Variants in PKIA observed in about 807,000 individuals in gnomAD.
The protein encoded by PKIA is PKI-alpha.
In PKIA, 4 loss-of-function variants were observed where a neutral mutation model predicts 7.6. The ratio of observed to expected loss-of-function variants is 0.52; its 90% CI spans 0.26 to 1.20. PKIA has a LOEUF of 1.20. Ranked by LOEUF, PKIA falls within the 50% of genes most tolerant of loss-of-function variation. The probability of loss-of-function intolerance (pLI) is 0.13; values close to 1 mark genes in which losing one functional copy is unlikely to be tolerated. For synonymous variants in PKIA, 21 were observed against 30.7 expected (o/e 0.68, Z 1.04); for missense variants, 73 against 86.2 (o/e 0.85, Z 0.61).
At chr8:78,571,079 A>G (rs1028488473) in intron 1 of PKIA, among the ~76,000 whole-genome samples, 3 of 152,094 alleles carry the variant, frequency 2.0e-5, no homozygotes, top group African/African-American at 7.2e-5. Context: ...TCCTTGGTAT[A>G]CATTAGGTGT....
rs1404252553 is a variant in PKIA at position 78,602,325 on chromosome 8, A to T, written c.*504A>T. 6.4e-6 allele frequency: 1 copy of T among 156,624 alleles called. No homozygotes were observed. Among genetic ancestry groups the T allele is most frequent in the East Asian group, 1.9e-4 (1 of 5,252 alleles). The allele number at this position is 156,624 out of a possible 1,614,324, so 9.7% of individuals were successfully genotyped here. A position where few individuals can be genotyped will look rare whatever the true frequency, so the allele number is the denominator to read the frequency against. On this transcript the variant is annotated 3_prime_UTR_variant, in exon 4 of 4. Transcript: ENST00000396418. The stretch of plus-strand genomic sequence containing the variant: ...TTATTTACACTGTTTTGTATTGTAC[A>T]ATATATATGCTCAGCACTGCCCCCT...
intron 1 of PKIA, among the ~76,000 whole-genome samples, chr8:78,564,466 A>G (rs962727288): frequency 6.6e-6 from 1 of 152,068 alleles, no homozygotes; most frequent in African/African-American, 2.4e-5. Flanking sequence ...GAAATGGAAC[A>G]TGAGGGTCCA....
intron 3 of PKIA, among the ~76,000 whole-genome samples, chr8:78,600,123 T>C (rs2130290412): frequency 6.6e-6 from 1 of 151,994 alleles, no homozygotes; most frequent in Admixed American, 6.6e-5. Context: ...TGCAACATTT[T>C]CTGTTTTTCT....
chr8:78,555,739 G>A (rs1243873096), intron 1 of PKIA, among the ~76,000 whole-genome samples: 1 of 151,990 alleles, frequency 6.6e-6, no homozygotes, highest in Non-Finnish European at 1.5e-5. Flanking sequence ...GTGTCAATGT[G>A]TGTGTGTGAG....
At chr8:78,590,308 A>C (rs1170017503) in intron 2 of PKIA, among the ~76,000 whole-genome samples, 2 of 152,014 alleles carry the variant, frequency 1.3e-5, no homozygotes, top group African/African-American at 4.8e-5. Flanking sequence ...AAAAAGAAAA[A>C]AATTGCGTGG....
At chr8:78,547,293 C>T (rs1022386305) in intron 1 of PKIA, among the ~76,000 whole-genome samples, 4 of 151,820 alleles carry the variant, frequency 2.6e-5, no homozygotes, top group Admixed American at 6.6e-5. Context: ...TTATTAGAGA[C>T]GGGGTTTCAC....
At chr8:78,600,166 T>A (rs114136865) in intron 3 of PKIA, among the ~76,000 whole-genome samples, 5,335 of 152,022 alleles carry the variant, frequency 0.035, 305 homozygotes, top group African/African-American at 0.12. Flanking sequence ...AGGAACAGTA[T>A]ACAAAGCAAT....
chr8:78,572,541 G>GCACA (rs1554582465), intron 1 of PKIA, among the ~76,000 whole-genome samples: 5,316 of 98,360 alleles, frequency 0.054, 120 homozygotes, highest in Middle Eastern at 0.097. Context: ...AAAGCTGCAC[G>GCACA]CACACACACA....
chr8:78,595,150 C>A (rs2130268091), intron 2 of PKIA, among the ~76,000 whole-genome samples: 1 of 152,166 alleles, frequency 6.6e-6, no homozygotes, highest in East Asian at 1.9e-4. Context: ...TAGTGTTTTC[C>A]CAGCAGTGAA....
intron 1 of PKIA, among the ~76,000 whole-genome samples, chr8:78,529,619 C>T (rs1806344794): frequency 2.0e-5 from 3 of 151,864 alleles, no homozygotes; most frequent in African/African-American, 7.2e-5. Flanking sequence ...TGGGAATATC[C>T]TTTAAGACAT....
chr8:78,542,716 T>C (rs1217989693), intron 1 of PKIA, among the ~76,000 whole-genome samples: 1 of 152,138 alleles, frequency 6.6e-6, no homozygotes, highest in African/African-American at 2.4e-5. Context: ...AATGACAGCT[T>C]GACAAAAAGA....
chr8:78,543,583 T>C (rs1806748991), intron 1 of PKIA, among the ~76,000 whole-genome samples: 1 of 152,154 alleles, frequency 6.6e-6, no homozygotes, highest in South Asian at 2.1e-4. Context: ...TGAAGTGAAA[T>C]AATGCAACAT....
chr8:78,548,065 TAA>T (rs1057051801), intron 1 of PKIA, among the ~76,000 whole-genome samples: 4 of 152,010 alleles, frequency 2.6e-5, no homozygotes, highest in African/African-American at 4.8e-5. Context: ...TAGTATGAAA[TAA>T]GTTTTAAAAA....
At chr8:78,547,946 T>C (rs1287403998) in intron 1 of PKIA, among the ~76,000 whole-genome samples, 1 of 152,142 alleles carries the variant, frequency 6.6e-6, no homozygotes, top group Admixed American at 6.5e-5. Flanking sequence ...GTTCACAGTT[T>C]GAACCAGGAG....
At chr8:78,601,678 A>T in intron 3 of PKIA, 64 bp from the exon 4 acceptor site, 1 of 1,176,272 alleles carries the variant, frequency 8.5e-7, no homozygotes, top group Non-Finnish European at 1.3e-6. Flanking sequence ...ACATATTGAC[A>T]GTTGGTAAAT....
At chr8:78,524,049 T>TATAAACGTTTATATAA (rs1809482720) in intron 1 of PKIA, among the ~76,000 whole-genome samples, 1 of 131,902 alleles carries the variant, frequency 7.6e-6, no homozygotes, top group African/African-American at 2.9e-5. Flanking sequence ...TATATATAAA[T>TATAAACGTTTATATAA]ATATATAAAC....
rs1808442051 is a variant in PKIA, at chr8:78,605,096, A to G, written c.*3275A>G. On this transcript the variant is annotated 3_prime_UTR_variant, in exon 4 of 4. Coordinates refer to ENST00000396418, the MANE Select transcript of PKIA (RefSeq NM_006823.4). ...GGAGAAAATGTGTAGTCATCAAGTG[A>G]AAATAGGAAAGGATCTATGATTTAT... 6.6e-6 allele frequency: 1 copy of G among 151,996 alleles called. No homozygotes were observed. The highest frequency in any genetic ancestry group is 2.1e-4 in the South Asian group (1 of 4,826). 9.4% of individuals were successfully genotyped at this position (151,996 alleles called of 1,614,324 possible). A position where few individuals can be genotyped will look rare whatever the true frequency, so the allele number is the denominator to read the frequency against.
chr8:78,525,664 G>C (rs542756230), intron 1 of PKIA, among the ~76,000 whole-genome samples: 1 of 152,070 alleles, frequency 6.6e-6, no homozygotes, highest in African/African-American at 2.4e-5. Context: ...ATGTCTGACT[G>C]TAAAGTTGTA....
chr8:78,554,311 G>A (rs1807073290), intron 1 of PKIA, among the ~76,000 whole-genome samples: 1 of 151,942 alleles, frequency 6.6e-6, no homozygotes. Context: ...CTAAATAGTA[G>A]GGAAGACACT....
Sources: gnomAD v4.1 joint callset for allele counts (sites outside exome capture counted in the v4.1 genomes callset) on GRCh38, gnomAD v4.1.1 for gene constraint, MANE v1.5 for transcripts, NCBI Gene and HGNC (gene_info 2026-07-23, HGNC 2026-07-21) for gene names.